THSD4: variants seen among roughly 807,000 people sequenced by gnomAD.
The protein encoded by THSD4 is thrombospondin type-1 domain-containing protein 4.
In THSD4, 69 loss-of-function variants were observed where a neutral mutation model predicts 119.0. That is an observed-to-expected ratio of 0.58 (90% confidence interval 0.48 to 0.71). THSD4 has a LOEUF of 0.71. THSD4 is among the 30% of genes least tolerant of loss of function. The pLI is 0.00. For missense variants in THSD4, 1,393 were observed against 1,391.1 expected, an observed-to-expected ratio of 1.00 and a Z score of -0.02; for synonymous variants, 524 against 540.4, an observed-to-expected ratio of 0.97 and a Z score of 0.42.
intron 11 of THSD4, among the ~76,000 whole-genome samples, chr15:71,740,603 G>A (rs891270630): frequency 2.6e-5 from 4 of 152,112 alleles, no homozygotes; most frequent in South Asian, 2.1e-4. Context: ...ACGCTCCCAC[G>A]GTCTCTCTAA....
At chr15:71,422,526 C>G (rs940525097) in intron 7 of THSD4, among the ~76,000 whole-genome samples, 6 of 152,190 alleles carry the variant, frequency 3.9e-5, no homozygotes, top group Non-Finnish European at 8.8e-5. Context: ...TCTCCCCTTA[C>G]TTTCTCCTAC....
chr15:71,412,347 C>G (rs2046701222), intron 7 of THSD4, among the ~76,000 whole-genome samples: 1 of 152,192 alleles, frequency 6.6e-6, no homozygotes, highest in Non-Finnish European at 1.5e-5. Context: ...GTTCCAGGAA[C>G]ACCCCGCCTG....
rs76269703 is a variant in THSD4, at chr15:71,158,903, G to T, written c.99+3971G>T. Reference sequence around the variant, plus strand: ...ATCTTATTTCTAAAATCTTTGCCCAGCCCAGTGTGCTTTATGACACTGAAT... The same window carrying T: ...ATCTTATTTCTAAAATCTTTGCCCATCCCAGTGTGCTTTATGACACTGAAT... On this transcript the variant is annotated intron_variant, in intron 3 of 17. Transcript: ENST00000261862. 7.6e-4 allele frequency among the ~76,000 whole-genome samples: 116 copies of T among 152,196 alleles called. No homozygotes were observed. In the East Asian group the frequency reaches 0.02, roughly 26 times the overall value.
chr15:71,359,324 G>C (rs993162167), intron 6 of THSD4, among the ~76,000 whole-genome samples: 3 of 152,148 alleles, frequency 2.0e-5, no homozygotes, highest in African/African-American at 7.2e-5. Context: ...AGTTATCTTT[G>C]ATTCTCCCTC....
intron 14 of THSD4, among the ~76,000 whole-genome samples, chr15:71,750,183 C>G (rs1375437783): frequency 6.6e-6 from 1 of 152,304 alleles, no homozygotes; most frequent in East Asian, 1.9e-4. Context: ...CACCCCGTCC[C>G]CACTCCCAGC....
chr15:71,613,945 A>G (rs1345283505), intron 7 of THSD4, among the ~76,000 whole-genome samples: 1 of 152,186 alleles, frequency 6.6e-6, no homozygotes, highest in African/African-American at 2.4e-5. Context: ...CATAAACTCA[A>G]TAAATAGACC....
At chr15:71,258,537 A>G (rs1392599553) in intron 6 of THSD4, among the ~76,000 whole-genome samples, 1 of 152,240 alleles carries the variant, frequency 6.6e-6, no homozygotes, top group African/African-American at 2.4e-5. Flanking sequence ...AAGGGTATAC[A>G]GGAACTTTTG....
chr15:71,527,708 C>CTTTTTTTTTTTTTTT (rs10635101), intron 7 of THSD4, among the ~76,000 whole-genome samples: 2 of 79,748 alleles, frequency 2.5e-5, no homozygotes, highest in East Asian at 4.9e-4. Flanking sequence ...TGTTTATCCT[C>CTTTTTTTTTTTTTTT]TTTTTTTTTT....
intron 6 of THSD4, among the ~76,000 whole-genome samples, chr15:71,258,738 T>C (rs2044352728): frequency 6.6e-6 from 1 of 152,182 alleles, no homozygotes; most frequent in African/African-American, 2.4e-5. Flanking sequence ...ATTGGTATTC[T>C]TCCTGGAACC....
intron 7 of THSD4, among the ~76,000 whole-genome samples, chr15:71,428,914 G>A (rs1349763919): frequency 6.6e-6 from 1 of 152,114 alleles, no homozygotes; most frequent in Non-Finnish European, 1.5e-5. Flanking sequence ...GTCTTCCTTA[G>A]CATGTGTTAG....
intron 6 of THSD4, among the ~76,000 whole-genome samples, chr15:71,399,228 A>C (rs2046491432): frequency 6.6e-6 from 1 of 152,162 alleles, no homozygotes; most frequent in Non-Finnish European, 1.5e-5. Flanking sequence ...CAAGTCACTA[A>C]GCTTGTGTGA....
chr15:71,136,638 C>T (rs1484388441), intron 1 of THSD4, among the ~76,000 whole-genome samples: 2 of 141,790 alleles, frequency 1.4e-5, no homozygotes, highest in South Asian at 2.6e-4. Context: ...CTTTAGGCTG[C>T]GGGAGTTCCA....
In THSD4 at chr15:71,394,080, T is replaced by A. The variant is rs565266007; in HGVS notation, c.1016-17607T>A. ...AATGTGAATATCAGATACACAATAT[T>A]TTTTTTTTTTTACCATATTTAGTAG... is the stretch of plus-strand genomic sequence containing the variant. On this transcript the variant is annotated intron_variant, in intron 6 of 17. Coordinates refer to ENST00000261862, the MANE Select transcript of THSD4 (RefSeq NM_024817.3). Among the ~76,000 whole-genome samples, 10 of 148,300 alleles carry A rather than the reference T, an allele frequency of 6.7e-5. No homozygotes were observed. The East Asian group carries it at 2.0e-3, about 29-fold the overall frequency.
chr15:71,118,750 C>T (rs1026752151), intron 1 of THSD4, among the ~76,000 whole-genome samples: 6 of 152,180 alleles, frequency 3.9e-5, no homozygotes, highest in South Asian at 2.1e-4. Context: ...TGAATATCCT[C>T]GCTGTGAAAA....
At chr15:71,215,777 C>T (rs540350391) in intron 4 of THSD4, among the ~76,000 whole-genome samples, 1 of 152,030 alleles carries the variant, frequency 6.6e-6, no homozygotes, top group Non-Finnish European at 1.5e-5. Context: ...GGACACAAGA[C>T]GAGAAGAAGT....
At chr15:71,746,782 G>A (rs1048753507) in intron 12 of THSD4, 56 bp from the exon 13 acceptor site, 16 of 1,579,874 alleles carry the variant, frequency 1.0e-5, no homozygotes, top group Non-Finnish European at 1.4e-5. Context: ...GGCTCACGCT[G>A]ACTTCCTGTT....
intron 2 of THSD4, among the ~76,000 whole-genome samples, chr15:71,153,848 A>G (rs1319969419): frequency 6.6e-6 from 1 of 152,236 alleles, no homozygotes; most frequent in Non-Finnish European, 1.5e-5. Flanking sequence ...GCTTAAAATA[A>G]TGACATTGAT....
At chr15:71,373,676 G>C (rs2140439463) in intron 6 of THSD4, among the ~76,000 whole-genome samples, 2 of 152,294 alleles carry the variant, frequency 1.3e-5, no homozygotes, top group African/African-American at 4.8e-5. Flanking sequence ...CCACTGACTT[G>C]CTCCTGTCCA....
chr15:71,747,836 G>A (rs2053368761), intron 13 of THSD4, among the ~76,000 whole-genome samples: 1 of 152,330 alleles, frequency 6.6e-6, no homozygotes, highest in Non-Finnish European at 1.5e-5. Context: ...TTGAGGAACT[G>A]ACAATAATAT....
Sources: gnomAD v4.1 joint callset for allele counts (sites outside exome capture counted in the v4.1 genomes callset) on GRCh38, gnomAD v4.1.1 for gene constraint, MANE v1.5 for transcripts, NCBI Gene and HGNC (gene_info 2026-07-23, HGNC 2026-07-21) for gene names.